The following PELI1 variants were observed in gnomAD, a reference collection of about 807,000 sequenced individuals.
PELI1 encodes E3 ubiquitin-protein ligase pellino homolog 1.
A neutral mutation model predicts 41.3 loss-of-function variants in PELI1; 15 were observed. That is an observed-to-expected ratio of 0.36 (90% confidence interval 0.24 to 0.56). The LOEUF is 0.56. Ranked by LOEUF, PELI1 falls within the 20% of genes least tolerant of loss-of-function variation. The probability of loss-of-function intolerance (pLI) is 0.82; values close to 1 mark genes in which losing one functional copy is unlikely to be tolerated. For missense variants in PELI1, 403 were observed against 525.5 expected, an observed-to-expected ratio of 0.77 and a Z score of 2.28; for synonymous variants, 178 against 180.1, an observed-to-expected ratio of 0.99 and a Z score of 0.09.
At chr2:64,140,129 G>T (rs1014670842) in intron 1 of PELI1, among the ~76,000 whole-genome samples, 4 of 151,956 alleles carry the variant, frequency 2.6e-5, no homozygotes, top group Non-Finnish European at 5.9e-5. Context: ...GGAAACCGCG[G>T]GTATTACATA....
intron 1 of PELI1, among the ~76,000 whole-genome samples, chr2:64,121,008 G>T (rs1316929049): frequency 1.3e-5 from 2 of 152,144 alleles, no homozygotes; most frequent in African/African-American, 4.8e-5. Context: ...CCAGCATTCG[G>T]TAACTGTCCC....
chr2:64,096,612 T>A lies in PELI1; in HGVS notation c.304-2A>T. On this transcript the variant is annotated splice_acceptor_variant, in intron 4 of 6. Transcript: ENST00000358912. LOFTEE classifies it high-confidence loss of function. ...GGGGCTTTCAGTCGACCGGCCAATCTGAGGGAAAAAAAAAAATACCTATAA... is the reference window on the plus strand; with the variant it reads ...GGGGCTTTCAGTCGACCGGCCAATCAGAGGGAAAAAAAAAAATACCTATAA... 1 of 1,597,516 alleles carries A rather than the reference T, an allele frequency of 6.3e-7. No homozygotes were observed. The highest frequency in any genetic ancestry group is 1.8e-5 in the Admixed American group (1 of 57,056).
At chr2:64,106,500 A>G (rs185770852) in intron 2 of PELI1, among the ~76,000 whole-genome samples, 22 of 152,322 alleles carry the variant, frequency 1.4e-4, no homozygotes, top group Admixed American at 4.6e-4. Flanking sequence ...AGTTTTTGGT[A>G]GTTAAGAGCT....
intron 1 of PELI1, among the ~76,000 whole-genome samples, chr2:64,123,310 G>A (rs554149400): frequency 1.3e-5 from 2 of 152,310 alleles, no homozygotes; most frequent in African/African-American, 4.8e-5. Flanking sequence ...CTCCCACTTT[G>A]TGGGCTGTGT....
Position 64,093,209 on chromosome 2 carries a change from T to TA in PELI1, c.*1492dup, listed in dbSNP as rs1386216990. 6.6e-6 allele frequency: 1 copy of TA among 152,658 alleles called. No individual in the cohort carries two copies. Among genetic ancestry groups the TA allele is most frequent in the Non-Finnish European group, 1.5e-5 (1 of 68,036 alleles). The allele number at this position is 152,658 out of a possible 1,614,324, so 9.5% of individuals were successfully genotyped here. ...CTTCTAAGCAACAAGTTTTGTTTTT[T>TA]AAAAACCAAAAGAAAATTCAGAACA... On this transcript the variant is annotated 3_prime_UTR_variant, in exon 7 of 7. Coordinates refer to ENST00000358912, the MANE Select transcript of PELI1 (RefSeq NM_020651.4).
chr2:64,117,197 C>T (rs1261421699), intron 1 of PELI1, among the ~76,000 whole-genome samples: 6 of 152,094 alleles, frequency 3.9e-5, no homozygotes. Context: ...AGTCTCTCTC[C>T]CTTTAAATCA....
chr2:64,093,893 G>C lies in PELI1; in HGVS notation c.*809C>G, dbSNP rs887209401. On this transcript the variant is annotated 3_prime_UTR_variant, in exon 7 of 7. Transcript: ENST00000358912. ...TGCTGCTGATACTAAAAACAGATTAGTTATCATGGGAGAAAAATAGATAAT... is the reference window on the plus strand; with the variant it reads ...TGCTGCTGATACTAAAAACAGATTACTTATCATGGGAGAAAAATAGATAAT... 2.6e-5 allele frequency: 4 copies of C among 152,498 alleles called. No homozygotes were observed. Among genetic ancestry groups the C allele is most frequent in the South Asian group, 2.1e-4 (1 of 4,830 alleles). The allele number at this position is 152,498 out of a possible 1,614,324, so 9.4% of individuals were successfully genotyped here.
At chr2:64,108,925 A>C (rs1157473805) in intron 1 of PELI1, among the ~76,000 whole-genome samples, 1 of 152,166 alleles carries the variant, frequency 6.6e-6, no homozygotes, top group Non-Finnish European at 1.5e-5. Context: ...TAACTGCTCC[A>C]CTCCAGCCAA....
intron 4 of PELI1, among the ~76,000 whole-genome samples, chr2:64,097,408 T>G (rs1480848343): frequency 1.3e-5 from 2 of 152,218 alleles, no homozygotes; most frequent in African/African-American, 4.8e-5. Context: ...TGGCATTTAT[T>G]TTATATATAT....
At chr2:64,104,642 C>T in intron 3 of PELI1, 59 bp downstream of exon 3, 2 of 1,511,004 alleles carry the variant, frequency 1.3e-6, no homozygotes, top group South Asian at 2.7e-5. Context: ...ACAAACAACA[C>T]ATAAAAGTCT....
At chr2:64,128,566 T>A (rs1001972924) in intron 1 of PELI1, among the ~76,000 whole-genome samples, 3 of 152,142 alleles carry the variant, frequency 2.0e-5, no homozygotes, top group Non-Finnish European at 2.9e-5. Flanking sequence ...AAATTTTACA[T>A]TTCTAACTAG....
intron 1 of PELI1, among the ~76,000 whole-genome samples, chr2:64,130,877 C>T (rs1292755495): frequency 6.6e-6 from 1 of 152,032 alleles, no homozygotes; most frequent in African/African-American, 2.4e-5. Context: ...ATATTAGAAG[C>T]CATAATGTAT....
chr2:64,142,561 A>G (rs1371695525), intron 1 of PELI1, among the ~76,000 whole-genome samples: 1 of 152,190 alleles, frequency 6.6e-6, no homozygotes, highest in Non-Finnish European at 1.5e-5. Context: ...AGAGTTAAAG[A>G]CTTTTCCCCA....
chr2:64,110,247 G>GAAAAAAAAAAAAAAAA (rs796716135), intron 1 of PELI1, among the ~76,000 whole-genome samples: 2 of 100,798 alleles, frequency 2.0e-5, no homozygotes, highest in Non-Finnish European at 2.1e-5. Context: ...TCCGTCTCAA[G>GAAAAAAAAAAAAAAAA]AAAAAAAAAA....
chr2:64,139,966 C>T (rs1681844455), intron 1 of PELI1, among the ~76,000 whole-genome samples: 1 of 152,198 alleles, frequency 6.6e-6, no homozygotes. Context: ...GATTTCATTG[C>T]ACCTTGTATG....
chr2:64,140,537 A>G (rs1370066780), intron 1 of PELI1, among the ~76,000 whole-genome samples: 1 of 152,080 alleles, frequency 6.6e-6, no homozygotes, highest in Non-Finnish European at 1.5e-5. Context: ...CTCTAGGCTT[A>G]TTTCTGAAGG....
In PELI1 at chr2:64,140,806, AAC is replaced by A. The variant is rs1382898210; in HGVS notation, c.-70+3273_-70+3274del. Among the ~76,000 whole-genome samples the A allele has an allele frequency of 1.0e-3, 136 of 133,688 alleles. 36 individuals are homozygous for A. Among genetic ancestry groups the A allele is most frequent in the African/African-American group, 3.2e-3 (108 of 33,998 alleles). 87.7% of individuals were successfully genotyped at this position (133,688 alleles called of 152,430 possible). A position where few individuals can be genotyped will look rare whatever the true frequency, so the allele number is the denominator to read the frequency against. On this transcript the variant is annotated intron_variant, in intron 1 of 6. Coordinates refer to ENST00000358912, the MANE Select transcript of PELI1 (RefSeq NM_020651.4). The stretch of plus-strand genomic sequence containing the variant: ...AACATGCAAAAAAAAAAAACAAACA[AAC>A]AAAAAAAAACCTAGGGGCAGAACTT...
rs1168196573 is a variant in PELI1 at position 64,123,999 on chromosome 2, A to G, written c.-69-15620T>C. 8.5e-5 allele frequency among the ~76,000 whole-genome samples: 13 copies of G among 152,348 alleles called. No individual in the cohort carries two copies. The East Asian group carries it at 2.3e-3, about 27-fold the overall frequency. The stretch of plus-strand genomic sequence containing the variant: ...CTGATATATACCACAACATGGATGA[A>G]CCTGGAAAACATTCTGCTAAGTGAA... On this transcript the variant is annotated intron_variant, in intron 1 of 6. Coordinates refer to ENST00000358912, the MANE Select transcript of PELI1 (RefSeq NM_020651.4).
chr2:64,096,360 T>C, intron 5 of PELI1, 47 bp from the exon 6 acceptor site: 6 of 1,599,554 alleles, frequency 3.8e-6, no homozygotes, highest in Non-Finnish European at 5.1e-6. Context: ...ACTTGTAACT[T>C]GGAATGAAAG....
Sources: gnomAD v4.1 joint callset for allele counts (sites outside exome capture counted in the v4.1 genomes callset) on GRCh38, gnomAD v4.1.1 for gene constraint, MANE v1.5 for transcripts, NCBI Gene and HGNC (gene_info 2026-07-23, HGNC 2026-07-21) for gene names.